The following NTM variants were observed in gnomAD, a reference collection of about 807,000 sequenced individuals.
NTM encodes IgLON family member 2.
Under a neutral mutation model 42.1 loss-of-function variants are expected in NTM, and 13 were observed. The observed-to-expected ratio is 0.31, with a 90% CI of 0.20 to 0.49. The LOEUF (loss-of-function observed/expected upper bound fraction) is 0.49, where lower values mean the gene tolerates loss of function less well. Ranked by LOEUF, NTM falls within the 20% of genes least tolerant of loss-of-function variation. NTM has a pLI of 0.99. For missense variants in NTM, 373 were observed against 452.8 expected (o/e 0.82, Z 1.60); for synonymous variants, 187 against 179.2 (o/e 1.04, Z -0.35).
chr11:131,580,715 T>C (rs888050437), intron 1 of NTM, among the ~76,000 whole-genome samples: 1 of 152,212 alleles, frequency 6.6e-6, no homozygotes, highest in African/African-American at 2.4e-5. Flanking sequence ...AGACTTCCTT[T>C]TCTGATGTCT....
chr11:131,699,135 T>G (rs560349952), intron 1 of NTM, among the ~76,000 whole-genome samples: 6 of 152,190 alleles, frequency 3.9e-5, no homozygotes, highest in Non-Finnish European at 8.8e-5. Flanking sequence ...AAGAAGTAAT[T>G]AAACTCCCAC....
chr11:131,511,222 G>A (rs1325563381), intron 1 of NTM, among the ~76,000 whole-genome samples: 1 of 152,148 alleles, frequency 6.6e-6, no homozygotes, highest in African/African-American at 2.4e-5. Flanking sequence ...CAGGTGGTTG[G>A]TACACACGGG....
Position 131,647,620 on chromosome 11 carries a change from C to T in NTM, c.83-263944C>T, listed in dbSNP as rs1014936318. On this transcript the variant is annotated intron_variant, in intron 1 of 8. Coordinates refer to ENST00000683400, the MANE Select transcript of NTM (RefSeq NM_001352005.2). The stretch of plus-strand genomic sequence containing the variant: ...AGTTGTGAATTCTATAAATCATGTC[C>T]ATTTAATAAACGAGAGAATTAAGCC... Among the ~76,000 whole-genome samples, 11 of 152,142 alleles carry T rather than the reference C, an allele frequency of 7.2e-5. No individual in the cohort carries two copies. In the East Asian group the frequency reaches 7.7e-4, roughly 11 times the overall value.
chr11:131,994,504 C>A (rs1008234307), intron 2 of NTM, among the ~76,000 whole-genome samples: 1 of 152,182 alleles, frequency 6.6e-6, no homozygotes, highest in African/African-American at 2.4e-5. Context: ...GGGACAAAAA[C>A]AAGTGGTATC....
At chr11:131,911,756 G>A in intron 2 of NTM, 108 bp downstream of exon 2, 2 of 1,383,520 alleles carry the variant, frequency 1.4e-6, no homozygotes, top group Non-Finnish European at 2.0e-6. Context: ...CGGAGAGGTC[G>A]CTGGTTCCCT....
At chr11:131,479,814 C>A (rs1312742637) in intron 1 of NTM, among the ~76,000 whole-genome samples, 1 of 152,056 alleles carries the variant, frequency 6.6e-6, no homozygotes, top group Non-Finnish European at 1.5e-5. Context: ...GCACAGAAAG[C>A]AAGTCAGGCA....
intron 1 of NTM, 198 bp from the exon 2 acceptor site, chr11:131,911,366 C>T: frequency 6.5e-7 from 1 of 1,543,062 alleles, no homozygotes; most frequent in Non-Finnish European, 8.8e-7. Flanking sequence ...TCCCGGTCGC[C>T]GCGGGTTCAC....
chr11:131,412,480 A>G (rs1340611172), intron 1 of NTM, among the ~76,000 whole-genome samples: 2 of 152,228 alleles, frequency 1.3e-5, no homozygotes, highest in Non-Finnish European at 2.9e-5. Context: ...CACCTGCATA[A>G]TCTCTATCAC....
chr11:131,691,290 G>C (rs767630165), intron 1 of NTM, among the ~76,000 whole-genome samples: 2 of 152,242 alleles, frequency 1.3e-5, no homozygotes, highest in African/African-American at 2.4e-5. Context: ...GCGCCCCTCT[G>C]TTGGCGGCCG....
chr11:131,796,046 G>T, intron 1 of NTM: 1 of 985,432 alleles, frequency 1.0e-6, no homozygotes, highest in Non-Finnish European at 1.2e-6. Context: ...GCATCGAGGT[G>T]TAATGATCAG....
At chr11:132,182,674 T>C (rs928396503) in intron 3 of NTM, among the ~76,000 whole-genome samples, 4 of 152,244 alleles carry the variant, frequency 2.6e-5, no homozygotes, top group African/African-American at 9.6e-5. Flanking sequence ...CTCTTGAGGA[T>C]GCAGTCTGCA....
intron 1 of NTM, among the ~76,000 whole-genome samples, chr11:131,376,302 C>G (rs893339756): frequency 6.6e-6 from 1 of 152,202 alleles, no homozygotes; most frequent in South Asian, 2.1e-4. Context: ...TTGCCTATTT[C>G]CTGCTTTTTT....
chr11:131,504,051 G>A (rs956436040), intron 1 of NTM, among the ~76,000 whole-genome samples: 2 of 152,148 alleles, frequency 1.3e-5, no homozygotes, highest in Non-Finnish European at 2.9e-5. Context: ...TGATCCAGCT[G>A]TCTCTGACCC....
intron 3 of NTM, among the ~76,000 whole-genome samples, chr11:132,188,656 G>A (rs897860298): frequency 6.6e-6 from 1 of 151,970 alleles, no homozygotes; most frequent in Non-Finnish European, 1.5e-5. Flanking sequence ...ATGATATGCT[G>A]TATGTGCAAT....
chr11:132,001,798 A>ACG (rs1162326148), intron 2 of NTM, among the ~76,000 whole-genome samples: 4 of 151,988 alleles, frequency 2.6e-5, no homozygotes, highest in Non-Finnish European at 5.9e-5. Flanking sequence ...ACACACACAC[A>ACG]CATACACACA....
intron 4 of NTM, among the ~76,000 whole-genome samples, chr11:132,254,694 A>G (rs544273299): frequency 4.5e-4 from 68 of 152,104 alleles, no homozygotes; most frequent in South Asian, 8.3e-4. Flanking sequence ...CCGCACCACC[A>G]TTCTGTGGTG....
chr11:131,574,067 C>T (rs937162473), intron 1 of NTM, among the ~76,000 whole-genome samples: 4 of 152,084 alleles, frequency 2.6e-5, no homozygotes, highest in African/African-American at 4.8e-5. Flanking sequence ...GGGAGGAGTT[C>T]GGCTGTGCAG....
At chr11:131,569,707 G>A (rs1201272070) in intron 1 of NTM, among the ~76,000 whole-genome samples, 1 of 151,426 alleles carries the variant, frequency 6.6e-6, no homozygotes, top group Non-Finnish European at 1.5e-5. Flanking sequence ...CCACCTGAGA[G>A]CTGGGACTAC....
intron 1 of NTM, among the ~76,000 whole-genome samples, chr11:131,502,427 A>G (rs186838158): frequency 3.3e-5 from 5 of 152,274 alleles, no homozygotes; most frequent in Admixed American, 3.3e-4. Context: ...ATTTGGTTAG[A>G]GCAGCCAAAA....
Sources: gnomAD v4.1 joint callset for allele counts (sites outside exome capture counted in the v4.1 genomes callset) on GRCh38, gnomAD v4.1.1 for gene constraint, MANE v1.5 for transcripts, NCBI Gene and HGNC (gene_info 2026-07-23, HGNC 2026-07-21) for gene names.